CAST: variants seen among roughly 807,000 people sequenced by gnomAD.
CAST encodes MIR583 host.
A neutral mutation model predicts 119.6 loss-of-function variants in CAST; 76 were observed. The ratio of observed to expected loss-of-function variants is 0.64; its 90% CI spans 0.53 to 0.77. The LOEUF (loss-of-function observed/expected upper bound fraction) is 0.77. CAST is among the 30% of genes least tolerant of loss of function. The pLI is 0.00. For synonymous variants in CAST, 319 were observed against 331.6 expected (o/e 0.96, Z 0.41); for missense variants, 953 against 946.5 (o/e 1.01, Z -0.09).
At chr5:96,188,606 G>T in the CAST span, among the ~76,000 whole-genome samples, 1 of 152,008 alleles carries the variant, frequency 6.6e-6, no homozygotes, top group Non-Finnish European at 1.5e-5. Flanking sequence ...ATGTAAGATG[G>T]TAATAATAAA....
intron 3 of CAST, among the ~76,000 whole-genome samples, chr5:96,709,687 C>T (rs532547107): frequency 4.2e-4 from 64 of 152,274 alleles, no homozygotes; most frequent in African/African-American, 1.4e-3. Flanking sequence ...GCCTGATCTT[C>T]GTAATGATCT....
At chr5:96,668,165 CA>C (rs1749584570) in intron 1 of CAST, among the ~76,000 whole-genome samples, 1 of 152,200 alleles carries the variant, frequency 6.6e-6, no homozygotes, top group African/African-American at 2.4e-5. Flanking sequence ...CACACACACA[CA>C]CACACACCCT....
the CAST span, among the ~76,000 whole-genome samples, chr5:96,041,994 A>G: frequency 7.9e-5 from 12 of 152,170 alleles, no homozygotes; most frequent in Non-Finnish European, 1.8e-4. Context: ...GACTTAAGAC[A>G]GGGAAATCAA....
At chr5:96,692,324 C>T (rs1009869783) in intron 2 of CAST, among the ~76,000 whole-genome samples, 1 of 152,162 alleles carries the variant, frequency 6.6e-6, no homozygotes, top group Admixed American at 6.5e-5. Context: ...AAACCTTGCA[C>T]CTGGAGGCAA....
At chr5:96,159,802 A>G in the CAST span, among the ~76,000 whole-genome samples, 1 of 152,034 alleles carries the variant, frequency 6.6e-6, no homozygotes, top group Non-Finnish European at 1.5e-5. Flanking sequence ...TTGTTTTAAA[A>G]ATAACAGCTT....
At chr5:96,070,258 A>C in the CAST span, among the ~76,000 whole-genome samples, 1 of 152,098 alleles carries the variant, frequency 6.6e-6, no homozygotes, top group Non-Finnish European at 1.5e-5. Flanking sequence ...CTGCTATGGA[A>C]CCTACCACAA....
intron 1 of CAST, among the ~76,000 whole-genome samples, chr5:96,570,439 G>A (rs2150186949): frequency 6.6e-6 from 1 of 152,000 alleles, no homozygotes; most frequent in Non-Finnish European, 1.5e-5. Context: ...CTAAATTAGT[G>A]TACATTAGAA....
the CAST span, among the ~76,000 whole-genome samples, chr5:96,058,356 T>C: frequency 6.6e-6 from 1 of 152,320 alleles, no homozygotes; most frequent in Admixed American, 6.5e-5. Context: ...TTCCCAGTGT[T>C]ACAGCTGAAT....
At chr5:96,502,525 C>T in the CAST span, among the ~76,000 whole-genome samples, 1 of 151,844 alleles carries the variant, frequency 6.6e-6, no homozygotes. Context: ...TTCTTTGTCA[C>T]AAATGAACAA....
At chr5:96,303,148 T>G in the CAST span, among the ~76,000 whole-genome samples, 1 of 152,142 alleles carries the variant, frequency 6.6e-6, no homozygotes, top group African/African-American at 2.4e-5. Context: ...ACATCCTACA[T>G]GGCTGGAGCA....
intron 1 of CAST, among the ~76,000 whole-genome samples, chr5:96,585,836 G>A (rs531172691): frequency 9.2e-5 from 14 of 152,262 alleles, no homozygotes; most frequent in Admixed American, 2.6e-4. Context: ...ATATAGAGAC[G>A]TGCAGGACAA....
chr5:96,750,292 T>C (rs1764727447), intron 19 of CAST, among the ~76,000 whole-genome samples: 1 of 152,218 alleles, frequency 6.6e-6, no homozygotes, highest in Admixed American at 6.5e-5. Flanking sequence ...TATAGGCCTC[T>C]TACCAACCCT....
At chr5:96,002,200 G>T in the CAST span, among the ~76,000 whole-genome samples, 1 of 152,220 alleles carries the variant, frequency 6.6e-6, no homozygotes, top group African/African-American at 2.4e-5. Context: ...GGCCTTGCCT[G>T]ATCTATTGGG....
At chr5:96,365,014 C>A in the CAST span, among the ~76,000 whole-genome samples, 5 of 143,470 alleles carry the variant, frequency 3.5e-5, no homozygotes, top group Non-Finnish European at 7.7e-5. Context: ...AGAGATTCTG[C>A]TATGTTGTGT....
chr5:96,585,918 G>C (rs143393351), intron 1 of CAST, among the ~76,000 whole-genome samples: 77 of 152,260 alleles, frequency 5.1e-4, no homozygotes, highest in African/African-American at 1.8e-3. Flanking sequence ...TGAAACAGCT[G>C]GCGTTTCTAT....
chr5:96,364,546 T>G, the CAST span, among the ~76,000 whole-genome samples: 2 of 152,242 alleles, frequency 1.3e-5, no homozygotes, highest in East Asian at 3.8e-4. Context: ...CCTGGTTTAG[T>G]CTTGGGAGGA....
chr5:96,174,078 C>T, the CAST span, among the ~76,000 whole-genome samples: 1 of 152,114 alleles, frequency 6.6e-6, no homozygotes, highest in African/African-American at 2.4e-5. Context: ...TGTTAAGTGA[C>T]ACATGAGTCT....
At chr5:96,286,251 A>C in the CAST span, among the ~76,000 whole-genome samples, 1 of 152,234 alleles carries the variant, frequency 6.6e-6, no homozygotes, top group Non-Finnish European at 1.5e-5. Context: ...ACAGTTCATT[A>C]TCTCTCATTC....
At chr5:96,223,583 C>T in the CAST span, among the ~76,000 whole-genome samples, 2 of 152,130 alleles carry the variant, frequency 1.3e-5, no homozygotes, top group Admixed American at 6.6e-5. Context: ...CATGGCCTTG[C>T]TGGCACTTAG....
Sources: gnomAD v4.1 joint callset for allele counts (sites outside exome capture counted in the v4.1 genomes callset) on GRCh38, gnomAD v4.1.1 for gene constraint, MANE v1.5 for transcripts, NCBI Gene and HGNC (gene_info 2026-07-23, HGNC 2026-07-21) for gene names.